Variants in UNC13C observed in about 807,000 individuals in gnomAD.
UNC13C encodes the protein unc-13 homolog C, also known as protein unc-13 homolog C.
In UNC13C, 174 loss-of-function variants were observed where a neutral mutation model predicts 245.4. That is an observed-to-expected ratio of 0.71 (90% CI 0.63 to 0.80). The LOEUF is 0.80. Ranked by LOEUF, UNC13C falls within the 30% of genes least tolerant of loss-of-function variation. The probability of loss-of-function intolerance (pLI) is 0.00; values close to 1 mark genes in which losing one functional copy is unlikely to be tolerated. For missense variants in UNC13C, 2,829 were observed against 2,602.9 expected (o/e 1.09, Z -1.89); for synonymous variants, 992 against 895.1 (o/e 1.11, Z -1.93).
chr15:54,233,339 C>T (rs2140822169), intron 4 of UNC13C, among the ~76,000 whole-genome samples: 1 of 152,168 alleles, frequency 6.6e-6, no homozygotes, highest in Admixed American at 6.5e-5. Context: ...TTGACCTCTG[C>T]TTCACACGTA....
intron 29 of UNC13C, among the ~76,000 whole-genome samples, chr15:54,566,302 T>G (rs1027068686): frequency 6.6e-6 from 1 of 152,104 alleles, no homozygotes; most frequent in Non-Finnish European, 1.5e-5. Context: ...AATTGTCATA[T>G]TTTTTCATCC....
intron 17 of UNC13C, among the ~76,000 whole-genome samples, chr15:54,371,974 A>G (rs887258368): frequency 6.6e-6 from 1 of 152,146 alleles, no homozygotes; most frequent in Non-Finnish European, 1.5e-5. Context: ...GTCCTTGTTG[A>G]TCAAAGCACA....
chr15:54,246,627 T>G (rs1010877543), intron 7 of UNC13C, among the ~76,000 whole-genome samples: 1 of 152,096 alleles, frequency 6.6e-6, no homozygotes, highest in South Asian at 2.1e-4. Context: ...AAAATACATT[T>G]TTATTGTAGA....
chr15:54,512,779 T>C (rs1894808360), intron 24 of UNC13C, among the ~76,000 whole-genome samples: 2 of 152,156 alleles, frequency 1.3e-5, no homozygotes, highest in Non-Finnish European at 2.9e-5. Context: ...AAAGTAAATA[T>C]CCCTTTTATT....
chr15:53,991,605 T>A (rs994762100), intron 1 of UNC13C, among the ~76,000 whole-genome samples: 2 of 152,118 alleles, frequency 1.3e-5, no homozygotes, highest in African/African-American at 4.8e-5. Flanking sequence ...TTATTTCTTT[T>A]GCTTGTATAA....
intron 14 of UNC13C, among the ~76,000 whole-genome samples, chr15:54,324,165 A>G (rs2038234996): frequency 6.6e-6 from 1 of 152,084 alleles, no homozygotes; most frequent in Non-Finnish European, 1.5e-5. Flanking sequence ...ATATTTTTCT[A>G]GCTATCAAAA....
chr15:54,409,268 A>AATATT (rs61044594), intron 18 of UNC13C, among the ~76,000 whole-genome samples: 84,049 of 150,798 alleles, frequency 0.56, 23,589 homozygotes, highest in East Asian at 0.75. Flanking sequence ...ACATGTTAAT[A>AATATT]ATATGTTCCT....
the UNC13C span, among the ~76,000 whole-genome samples, chr15:53,946,421 T>A: frequency 6.6e-6 from 1 of 150,698 alleles, no homozygotes; most frequent in Non-Finnish European, 1.5e-5. Context: ...ATTCCTCCAA[T>A]ACCTAGTTTA....
intron 19 of UNC13C, among the ~76,000 whole-genome samples, chr15:54,451,777 A>T (rs1029613824): frequency 1.3e-5 from 2 of 152,052 alleles, no homozygotes; most frequent in South Asian, 4.1e-4. Flanking sequence ...TTTCATTGGA[A>T]TATGTAGCTG....
intron 2 of UNC13C, among the ~76,000 whole-genome samples, chr15:54,069,041 T>A (rs956172801): frequency 3.9e-5 from 6 of 152,208 alleles, no homozygotes; most frequent in African/African-American, 1.4e-4. Flanking sequence ...TGATACTCAG[T>A]ATATATTCAT....
intron 19 of UNC13C, among the ~76,000 whole-genome samples, chr15:54,455,685 G>T (rs1269738829): frequency 1.3e-5 from 2 of 151,658 alleles, no homozygotes; most frequent in Non-Finnish European, 2.9e-5. Context: ...CATGAACTTA[G>T]CCTGATTTTT....
chr15:54,155,097 T>C (rs1295607555), intron 4 of UNC13C, among the ~76,000 whole-genome samples: 1 of 152,212 alleles, frequency 6.6e-6, no homozygotes, highest in Non-Finnish European at 1.5e-5. Context: ...AGTTAGACAT[T>C]GCCATGTAAC....
chr15:54,541,824 T>G (rs1197085307), intron 26 of UNC13C, among the ~76,000 whole-genome samples: 2 of 152,166 alleles, frequency 1.3e-5, no homozygotes, highest in Non-Finnish European at 1.5e-5. Context: ...CTTACACCTA[T>G]TAAAATAGGT....
intron 2 of UNC13C, among the ~76,000 whole-genome samples, chr15:54,043,955 T>A (rs1896919411): frequency 6.6e-6 from 1 of 152,228 alleles, no homozygotes; most frequent in African/African-American, 2.4e-5. Context: ...TCCACCCTTT[T>A]AAAGTGTAAA....
the UNC13C span, among the ~76,000 whole-genome samples, chr15:53,945,333 A>G: frequency 6.6e-6 from 1 of 152,138 alleles, no homozygotes; most frequent in African/African-American, 2.4e-5. Context: ...CTATGTTCAG[A>G]ATGGTATTGC....
chr15:54,074,427 G>T (rs1898488405), intron 2 of UNC13C, among the ~76,000 whole-genome samples: 1 of 152,180 alleles, frequency 6.6e-6, no homozygotes, highest in East Asian at 1.9e-4. Flanking sequence ...GTCAGTGGTA[G>T]CTTAATGGGG....
At chr15:54,494,194 G>T (rs1402755100) in intron 19 of UNC13C, among the ~76,000 whole-genome samples, 1 of 152,022 alleles carries the variant, frequency 6.6e-6, no homozygotes, top group Non-Finnish European at 1.5e-5. Context: ...TAACAAACCT[G>T]CACGTTGTGC....
intron 17 of UNC13C, among the ~76,000 whole-genome samples, chr15:54,352,631 T>C (rs1296565625): frequency 6.6e-6 from 1 of 152,002 alleles, no homozygotes; most frequent in Admixed American, 6.6e-5. Flanking sequence ...TATATATGTA[T>C]TTTTGCTATC....
At chr15:54,483,510 T>TC (rs1267255878) in intron 19 of UNC13C, among the ~76,000 whole-genome samples, 12 of 152,156 alleles carry the variant, frequency 7.9e-5, no homozygotes, top group African/African-American at 2.9e-4. Context: ...TCTTTTCTTT[T>TC]TTTTGAGATG....
Sources: gnomAD v4.1 joint callset for allele counts (sites outside exome capture counted in the v4.1 genomes callset) on GRCh38, gnomAD v4.1.1 for gene constraint, MANE v1.5 for transcripts, NCBI Gene and HGNC (gene_info 2026-07-23, HGNC 2026-07-21) for gene names.